The following ORC1 variants were observed in gnomAD, a reference collection of about 807,000 sequenced individuals.
ORC1 encodes the protein origin recognition complex, subunit 1 homolog.
Under a neutral mutation model 98.9 loss-of-function variants are expected in ORC1, and 61 were observed. The observed-to-expected ratio is 0.62, with a 90% CI of 0.50 to 0.76. ORC1 has a LOEUF of 0.76. Among genes scored for constraint, ORC1 ranks in the 30% least tolerant of loss-of-function variants. The pLI, the probability that ORC1 is intolerant of heterozygous loss-of-function variation, is 0.00. For synonymous variants in ORC1, 385 were observed against 406.9 expected (o/e 0.95, Z 0.65); for missense variants, 979 against 1,072.2 (o/e 0.91, Z 1.21).
rs978707605 is a variant in ORC1 at position 52,375,711 on chromosome 1, A to G, written c.2134-112T>C. 1.9e-5 allele frequency: 18 copies of G among 963,166 alleles called. No homozygotes were observed. The East Asian group carries it at 1.9e-4, about 10-fold the overall frequency. The allele number at this position is 963,166 out of a possible 1,614,324, so 59.7% of individuals were successfully genotyped here. Reference sequence around the variant, plus strand: ...GTAAAGTTAAGTACTTAGCCCTGGCAGGGAACCTGGAGGAAGAATAGAAAT... The same window carrying G: ...GTAAAGTTAAGTACTTAGCCCTGGCGGGGAACCTGGAGGAAGAATAGAAAT... On this transcript the variant is annotated intron_variant, in intron 14 of 16. Transcript: ENST00000371568.
intron 5 of ORC1, among the ~76,000 whole-genome samples, chr1:52,394,914 T>C (rs576431562): frequency 3.1e-4 from 47 of 152,352 alleles, no homozygotes; most frequent in African/African-American, 1.1e-3. Flanking sequence ...CCTCCAAAAG[T>C]GTTGGGACTA....
intron 1 of ORC1, among the ~76,000 whole-genome samples, chr1:52,403,967 G>C (rs1040193111): frequency 7.9e-5 from 12 of 152,204 alleles, no homozygotes; most frequent in Non-Finnish European, 1.6e-4. Flanking sequence ...CTGAGCATCA[G>C]GGTGCGGAGG....
chr1:52,392,295 A>G (rs1444464179), intron 6 of ORC1, among the ~76,000 whole-genome samples: 2 of 152,012 alleles, frequency 1.3e-5, no homozygotes, highest in Non-Finnish European at 2.9e-5. Flanking sequence ...AAGCCCGGCT[A>G]ATTTTTTATG....
upstream of ORC1, chr1:52,405,564 T>C (rs775079509): frequency 1.5e-5 from 13 of 894,496 alleles, no homozygotes; most frequent in African/African-American, 3.4e-5. Context: ...TACACATTCG[T>C]TCTCCTAATA....
At chr1:52,373,631 C>T (rs1401936063) in intron 16 of ORC1, among the ~76,000 whole-genome samples, 3 of 152,192 alleles carry the variant, frequency 2.0e-5, no homozygotes, top group African/African-American at 4.8e-5. Context: ...CAAGTTACTG[C>T]ACTCTTTTGA....
chr1:52,384,695 CCA>C lies in ORC1; in HGVS notation c.1608_1609del (p.Gly537AspfsTer9). The C allele has an allele frequency of 6.2e-7, 1 of 1,613,792 alleles. No homozygotes were observed. Among genetic ancestry groups the C allele is most frequent in the Non-Finnish European group, 8.5e-7 (1 of 1,179,912 alleles). ...ATGAACAGTGGCAGTCTTCCCTGTC[CCA>C]GGGACACCGGAGATGTACATGCACC... On this transcript the variant is annotated frameshift_variant, in exon 11 of 17. Coordinates refer to ENST00000371568, the MANE Select transcript of ORC1 (RefSeq NM_004153.4). LOFTEE classifies it high-confidence loss of function.
At chr1:52,405,937 TAG>T, upstream of ORC1, 1 of 1,006,290 alleles carries the variant, frequency 9.9e-7, no homozygotes, top group Non-Finnish European at 1.5e-6. Context: ...ATCTCATTTC[TAG>T]AGAGTTCCAC....
At chr1:52,391,016 T>C (rs1647202523) in intron 6 of ORC1, among the ~76,000 whole-genome samples, 1 of 149,694 alleles carries the variant, frequency 6.7e-6, no homozygotes, top group Non-Finnish European at 1.5e-5. Context: ...CCATAAAAAA[T>C]CTAGAAGATA....
intron 5 of ORC1, 62 bp from the exon 6 acceptor site, chr1:52,393,865 A>C (rs2147938169): frequency 2.8e-3 from 4,305 of 1,517,860 alleles, no homozygotes; most frequent in Non-Finnish European, 3.5e-3. Flanking sequence ...CCACAATCTC[A>C]TCACAGCCAA....
At chr1:52,408,443 C>A, upstream of ORC1, 1 of 1,288,760 alleles carries the variant, frequency 7.8e-7, no homozygotes, top group Non-Finnish European at 1.1e-6. Flanking sequence ...TCTACCTCCA[C>A]AATTGCAGCT....
intron 1 of ORC1, 91 bp downstream of exon 1, chr1:52,404,155 A>G (rs1358570919): frequency 6.5e-6 from 1 of 155,032 alleles, no homozygotes; most frequent in East Asian, 1.9e-4. Context: ...AAAAGAATCA[A>G]TGACTGAGTC....
intron 14 of ORC1, among the ~76,000 whole-genome samples, chr1:52,379,209 G>A (rs1647031144): frequency 6.6e-6 from 1 of 151,530 alleles, no homozygotes; most frequent in Non-Finnish European, 1.5e-5. Context: ...GCTGGAAAGA[G>A]GTAAAGGGGG....
chr1:52,392,380 G>A (rs749423129), intron 6 of ORC1, among the ~76,000 whole-genome samples: 7 of 151,930 alleles, frequency 4.6e-5, no homozygotes, highest in Admixed American at 1.3e-4. Flanking sequence ...CGCCCGCCTC[G>A]GCCTCCCAAA....
chr1:52,383,767 A>T lies in ORC1; in HGVS notation c.1863+63T>A, dbSNP rs970681086. 2.8e-6 allele frequency: 4 copies of T among 1,447,070 alleles called. No individual in the cohort carries two copies. In the African/African-American group the frequency reaches 5.6e-5, roughly 20 times the overall value. 89.6% of individuals were successfully genotyped at this position (1,447,070 alleles called of 1,614,324 possible). A position where few individuals can be genotyped will look rare whatever the true frequency, so the allele number is the denominator to read the frequency against. The stretch of plus-strand genomic sequence containing the variant: ...GGGAGCCAGGACTTTCCTCCCTCCC[A>T]TCCAGCACTTGCTCCTGAGGTACAG... On this transcript the variant is annotated intron_variant, in intron 12 of 16. Coordinates refer to ENST00000371568, the MANE Select transcript of ORC1 (RefSeq NM_004153.4).
chr1:52,404,928 C>A, upstream of ORC1: 1 of 1,600,856 alleles, frequency 6.2e-7, no homozygotes, highest in Non-Finnish European at 8.5e-7. Flanking sequence ...TGGCCCATTT[C>A]TCCTGACCGA....
At position 52,396,076 on chromosome 1, in the gene ORC1, G is replaced by C. The variant is rs1306758593; in HGVS notation, c.691C>G (p.Pro231Ala). Residue 231 changes from proline to alanine, a missense_variant, in exon 5 of 17, where the codon CCA (proline) becomes GCA (alanine). Transcript: ENST00000371568. ...AGCTCCAGCCTCTTTCTGGCTCTTG[G>C]GGTAAGAGGATGGGTAGGAGTTTGG... ...SRQTPTHPLT[P>A]RARKRLELGN... The C allele has an allele frequency of 6.2e-7, 1 of 1,614,138 alleles. No individual in the cohort carries two copies. The highest frequency in any genetic ancestry group is 8.5e-7 in the Non-Finnish European group (1 of 1,180,032).
intron 14 of ORC1, 151 bp from the exon 15 acceptor site, chr1:52,375,750 G>C: frequency 1.4e-6 from 1 of 737,860 alleles, no homozygotes; most frequent in Non-Finnish European, 2.4e-6. Flanking sequence ...TTATTACATT[G>C]TGCATGGGAC....
intron 5 of ORC1, among the ~76,000 whole-genome samples, chr1:52,395,451 C>T (rs1033008849): frequency 2.0e-5 from 3 of 152,008 alleles, no homozygotes; most frequent in East Asian, 1.9e-4. Flanking sequence ...AGTTTTGACT[C>T]GAATTATATT....
intron 14 of ORC1, among the ~76,000 whole-genome samples, chr1:52,381,097 C>T (rs574179723): frequency 1.3e-5 from 2 of 152,240 alleles, no homozygotes; most frequent in South Asian, 2.1e-4. Flanking sequence ...CCTCAGCAGC[C>T]GGGGAGACTA....
Sources: gnomAD v4.1 joint callset for allele counts (sites outside exome capture counted in the v4.1 genomes callset) on GRCh38, gnomAD v4.1.1 for gene constraint, MANE v1.5 for transcripts, NCBI Gene and HGNC (gene_info 2026-07-23, HGNC 2026-07-21) for gene names.